Variants in PLPP1 observed in about 807,000 individuals in gnomAD.
The protein encoded by PLPP1 is lipid phosphate phosphohydrolase 1a.
Under a neutral mutation model 31.2 loss-of-function variants are expected in PLPP1, and 24 were observed. The ratio of observed to expected loss-of-function variants is 0.77; its 90% CI spans 0.56 to 1.08. The LOEUF is 1.08. Among genes scored for constraint, PLPP1 ranks in the 50% least tolerant of loss-of-function variants. The pLI is 0.00. For synonymous variants in PLPP1, 146 were observed against 126.3 expected, an observed-to-expected ratio of 1.16 and a Z score of -1.05; for missense variants, 319 against 342.7, an observed-to-expected ratio of 0.93 and a Z score of 0.55.
intron 4 of PLPP1, among the ~76,000 whole-genome samples, chr5:55,437,315 A>G (rs746480438): frequency 6.6e-6 from 1 of 152,100 alleles, no homozygotes; most frequent in Non-Finnish European, 1.5e-5. Context: ...TCTTGTTAAC[A>G]CTTCTTAACT....
chr5:55,482,825 T>C (rs1219902860), intron 1 of PLPP1, among the ~76,000 whole-genome samples: 3 of 152,198 alleles, frequency 2.0e-5, no homozygotes, highest in Non-Finnish European at 4.4e-5. Context: ...TCTTTCTTCC[T>C]CAAGACTAGC....
chr5:55,430,901 T>TA (rs969861522), intron 4 of PLPP1, among the ~76,000 whole-genome samples: 15 of 151,262 alleles, frequency 9.9e-5, no homozygotes, highest in South Asian at 2.1e-4. Context: ...GACATAGATA[T>TA]AAAAAAAAAT....
At chr5:55,517,574 C>T (rs1323398333) in intron 1 of PLPP1, among the ~76,000 whole-genome samples, 1 of 152,224 alleles carries the variant, frequency 6.6e-6, no homozygotes, top group Non-Finnish European at 1.5e-5. Context: ...AAGTGAGTTG[C>T]TCCTTTTTCT....
chr5:55,469,188 A>T (rs1396897974), intron 2 of PLPP1, among the ~76,000 whole-genome samples: 1 of 152,096 alleles, frequency 6.6e-6, no homozygotes, highest in African/African-American at 2.4e-5. Flanking sequence ...GCTACCTGAA[A>T]CCAAAATAAA....
chr5:55,478,757 G>A (rs373362998), intron 1 of PLPP1, among the ~76,000 whole-genome samples: 1 of 152,134 alleles, frequency 6.6e-6, no homozygotes, highest in African/African-American at 2.4e-5. Flanking sequence ...AGGAGGTGGA[G>A]ATTGGTCCAC....
At chr5:55,456,996 C>T (rs1469111139) in intron 3 of PLPP1, among the ~76,000 whole-genome samples, 2 of 151,936 alleles carry the variant, frequency 1.3e-5, no homozygotes, top group Non-Finnish European at 2.9e-5. Flanking sequence ...CCCGTCTCTA[C>T]TACAAATACA....
intron 1 of PLPP1, among the ~76,000 whole-genome samples, chr5:55,502,868 G>A (rs1262789829): frequency 6.6e-6 from 1 of 152,098 alleles, no homozygotes; most frequent in Non-Finnish European, 1.5e-5. Flanking sequence ...TGCTTCCTCT[G>A]AAGAACCTAT....
At chr5:55,451,343 T>C (rs1478266313) in intron 3 of PLPP1, among the ~76,000 whole-genome samples, 5 of 152,194 alleles carry the variant, frequency 3.3e-5, no homozygotes, top group Admixed American at 3.3e-4. Flanking sequence ...TTTAGTATTA[T>C]GCCAATACAG....
intron 1 of PLPP1, among the ~76,000 whole-genome samples, chr5:55,478,154 T>G (rs868256859): frequency 6.6e-6 from 1 of 152,042 alleles, no homozygotes; most frequent in African/African-American, 2.4e-5. Flanking sequence ...ATTAAGGGGT[T>G]TTGTTCCCCC....
chr5:55,525,875 G>T (rs1221421822), intron 1 of PLPP1, among the ~76,000 whole-genome samples: 1 of 151,370 alleles, frequency 6.6e-6, no homozygotes, highest in African/African-American at 2.4e-5. Flanking sequence ...TTTTTGAAAA[G>T]AAGAGACAAG....
At chr5:55,529,375 G>A (rs1438161150) in intron 1 of PLPP1, among the ~76,000 whole-genome samples, 2 of 151,950 alleles carry the variant, frequency 1.3e-5, no homozygotes, top group African/African-American at 4.8e-5. Context: ...CCAACTGAAA[G>A]TTTCTAATAA....
At chr5:55,519,516 A>C (rs1753619270) in intron 1 of PLPP1, among the ~76,000 whole-genome samples, 1 of 152,194 alleles carries the variant, frequency 6.6e-6, no homozygotes, top group African/African-American at 2.4e-5. Context: ...TGGGAGGCCA[A>C]GGTGGGTGGA....
chr5:55,427,181 C>T (rs1751223694), intron 4 of PLPP1, among the ~76,000 whole-genome samples: 1 of 151,904 alleles, frequency 6.6e-6, no homozygotes, highest in Admixed American at 6.6e-5. Flanking sequence ...TAATATATGA[C>T]TCGTAGACTA....
intron 4 of PLPP1, among the ~76,000 whole-genome samples, chr5:55,427,663 T>C (rs1444363422): frequency 6.6e-6 from 1 of 152,092 alleles, no homozygotes; most frequent in African/African-American, 2.4e-5. Flanking sequence ...GTAGATAGCC[T>C]GCAAACTCAT....
At chr5:55,458,300 T>C (rs547551793) in intron 3 of PLPP1, among the ~76,000 whole-genome samples, 20 of 152,258 alleles carry the variant, frequency 1.3e-4, no homozygotes, top group South Asian at 4.1e-4. Flanking sequence ...AATAAGAAGA[T>C]AGTTAACTCC....
At chr5:55,428,384 T>C (rs1751261620) in intron 4 of PLPP1, among the ~76,000 whole-genome samples, 1 of 152,182 alleles carries the variant, frequency 6.6e-6, no homozygotes, top group South Asian at 2.1e-4. Context: ...TCCATTTCTG[T>C]AGAGCTCAAG....
chr5:55,425,133 G>A lies in PLPP1; in HGVS notation c.*73C>T. 1 of 1,517,492 alleles carries A rather than the reference G, an allele frequency of 6.6e-7. No individual in the cohort carries two copies. The highest frequency in any genetic ancestry group is 1.3e-5 in the South Asian group (1 of 79,792). 94.0% of individuals were successfully genotyped at this position (1,517,492 alleles called of 1,614,324 possible). On this transcript the variant is annotated 3_prime_UTR_variant, in exon 6 of 6. Coordinates refer to ENST00000307259, the MANE Select transcript of PLPP1 (RefSeq NM_003711.4). ...AGGCTTGTACACCAGGAAGAAAGAT[G>A]CATCCTCTTGCCTTGTGGCAATCAT...
At chr5:55,443,548 C>G (rs1751684052) in intron 3 of PLPP1, among the ~76,000 whole-genome samples, 1 of 152,036 alleles carries the variant, frequency 6.6e-6, no homozygotes, top group Admixed American at 6.6e-5. Context: ...ATTGTCAAAG[C>G]CCACCAAGCC....
At chr5:55,450,778 G>A (rs143193565) in intron 3 of PLPP1, among the ~76,000 whole-genome samples, 2 of 152,086 alleles carry the variant, frequency 1.3e-5, no homozygotes, top group Admixed American at 6.6e-5. Flanking sequence ...TGGATGAAAC[G>A]AACGATACAC....
Sources: gnomAD v4.1 joint callset for allele counts (sites outside exome capture counted in the v4.1 genomes callset) on GRCh38, gnomAD v4.1.1 for gene constraint, MANE v1.5 for transcripts, NCBI Gene and HGNC (gene_info 2026-07-23, HGNC 2026-07-21) for gene names.